Variants in PAX8 observed in about 807,000 individuals in gnomAD.
PAX8 encodes paired box protein Pax-8.
Under a neutral mutation model 52.4 loss-of-function variants are expected in PAX8, and 15 were observed. The observed-to-expected ratio is 0.29, with a 90% CI of 0.19 to 0.44. The LOEUF (loss-of-function observed/expected upper bound fraction) is 0.44. Among genes scored for constraint, PAX8 ranks in the 20% least tolerant of loss-of-function variants. The pLI is 1.00. For missense variants in PAX8, 554 were observed against 602.5 expected (o/e 0.92, Z 0.84); for synonymous variants, 284 against 249.7 (o/e 1.14, Z -1.29).
intron 8 of PAX8, chr2:113,236,079 G>A (rs111722271): frequency 1.7e-5 from 4 of 228,620 alleles, no homozygotes; most frequent in Non-Finnish European, 2.5e-5. Flanking sequence ...GGCCCACCTT[G>A]CGGGAGCCGC....
rs138846275 is a variant in PAX8 at position 113,231,616 on chromosome 2, G to A, written c.1087+3778C>T. Among the ~76,000 whole-genome samples the A allele has an allele frequency of 5.8e-4, 89 of 152,338 alleles. 2 individuals are homozygous for A. The highest frequency in any genetic ancestry group is 1.9e-3 in the African/African-American group (79 of 41,576). ...TCAGAGGCATGTGGAAGATTCACGC[G>A]GGTTAAAGCTGAGCTGATTATGGAA... On this transcript the variant is annotated intron_variant, in intron 9 of 11. Transcript: ENST00000429538.
At chr2:113,262,049 C>T (rs1361115007) in intron 2 of PAX8, among the ~76,000 whole-genome samples, 1 of 152,150 alleles carries the variant, frequency 6.6e-6, no homozygotes, top group African/African-American at 2.4e-5. Flanking sequence ...AAGCTAGTCT[C>T]GAACTCCCAA....
chr2:113,266,188 G>C (rs1693040999), intron 2 of PAX8: 1 of 152,230 alleles, frequency 6.6e-6, no homozygotes, highest in African/African-American at 2.4e-5. Context: ...AGTCTGTGAA[G>C]CTGAGAGAAA....
At chr2:113,252,174 A>G (rs905643303) in intron 2 of PAX8, among the ~76,000 whole-genome samples, 5 of 152,202 alleles carry the variant, frequency 3.3e-5, no homozygotes, top group South Asian at 4.1e-4. Context: ...CTTTAGTCCC[A>G]TAGAGTGTCA....
chr2:113,224,341 G>A (rs1689418695), intron 10 of PAX8, among the ~76,000 whole-genome samples: 1 of 152,086 alleles, frequency 6.6e-6, no homozygotes, highest in Non-Finnish European at 1.5e-5. Flanking sequence ...GAGGCCAGGA[G>A]TTCGAGACCA....
intron 3 of PAX8, among the ~76,000 whole-genome samples, chr2:113,245,815 GC>G (rs1691274574): frequency 6.6e-6 from 1 of 152,112 alleles, no homozygotes; most frequent in Non-Finnish European, 1.5e-5. Context: ...CCTCTCCCTA[GC>G]CCAGCAAAGG....
At chr2:113,256,796 T>G (rs1424756282) in intron 2 of PAX8, among the ~76,000 whole-genome samples, 1 of 152,156 alleles carries the variant, frequency 6.6e-6, no homozygotes, top group Non-Finnish European at 1.5e-5. Flanking sequence ...AAACCCCTGC[T>G]TCACCTCTGA....
Position 113,217,199 on chromosome 2 carries a change from T to TTAAA in PAX8, c.*1330_*1333dup. ...TGAGGTACCCAGCGTTCAACGTGAA[T>TTAAA]TAAAGGCAGAGGGAGAAGGCCAAGC... is the stretch of plus-strand genomic sequence containing the variant. On this transcript the variant is annotated 3_prime_UTR_variant, in exon 12 of 12. Coordinates refer to ENST00000429538, the MANE Select transcript of PAX8 (RefSeq NM_003466.4). 4.4e-6 allele frequency: 1 copy of TTAAA among 229,028 alleles called. No homozygotes were observed. Among genetic ancestry groups the TTAAA allele is most frequent in the Non-Finnish European group, 8.7e-6 (1 of 115,230 alleles). The allele number at this position is 229,028 out of a possible 1,614,324, so 14.2% of individuals were successfully genotyped here.
rs200498538 is a variant in PAX8 at position 113,242,105 on chromosome 2, C to T, written c.504G>A (p.Pro168=). ...CCAGGGAATCCGACTGGGGTGACTCCGGGGGAGTTACAGCTGAGCTGGGGA... is the reference window on the plus strand; with the variant it reads ...CCAGGGAATCCGACTGGGGTGACTCTGGGGGAGTTACAGCTGAGCTGGGGA... ...TLIPSSAVTP[P]ESPQSDSLGS... The change falls in exon 6 of 12, where the codon CCG becomes CCA. Residue 168 remains proline (P), a synonymous_variant. Coordinates refer to ENST00000429538, the MANE Select transcript of PAX8 (RefSeq NM_003466.4). The T allele has an allele frequency of 1.7e-5, 27 of 1,613,076 alleles. No homozygotes were observed. In the African/African-American group the frequency reaches 1.7e-4, roughly 10 times the overall value.
At chr2:113,273,432 G>A (rs1693598611) in intron 2 of PAX8, 1 of 141,444 alleles carries the variant, frequency 7.1e-6, no homozygotes, top group Non-Finnish European at 1.5e-5. Context: ...ATTTGGAAAT[G>A]TACCAAGAGA....
chr2:113,267,769 T>C (rs1573539416), intron 2 of PAX8: 3 of 152,364 alleles, frequency 2.0e-5, no homozygotes, highest in South Asian at 4.1e-4. Flanking sequence ...CCCACAGACC[T>C]AGGACAGTCT....
chr2:113,267,649 C>T (rs1693178539), intron 2 of PAX8: 1 of 152,188 alleles, frequency 6.6e-6, no homozygotes, highest in Non-Finnish European at 1.5e-5. Context: ...TTATGACTTC[C>T]TTTCTAGCAA....
Position 113,216,245 on chromosome 2 carries a change from TG to T in PAX8, c.*2287del, listed in dbSNP as rs1156731518. On this transcript the variant is annotated 3_prime_UTR_variant, in exon 12 of 12. Transcript: ENST00000429538. ...GCGCTGCAGAGGGAAGTTCTGCCAT[TG>T]AAAAACCAGCCGCATCTCAGATCCC... 4.3e-6 allele frequency: 1 copy of T among 230,966 alleles called. No individual in the cohort carries two copies. Among genetic ancestry groups the T allele is most frequent in the Non-Finnish European group, 8.6e-6 (1 of 116,708 alleles). 14.3% of individuals were successfully genotyped at this position (230,966 alleles called of 1,614,324 possible).
At chr2:113,230,586 G>C (rs553470988) in intron 9 of PAX8, 1 of 152,320 alleles carries the variant, frequency 6.6e-6, no homozygotes, top group Admixed American at 6.5e-5. Flanking sequence ...GAGGCTTCCT[G>C]CCATGAAAGC....
intron 2 of PAX8, chr2:113,266,129 A>C (rs1014793181): frequency 6.6e-6 from 1 of 152,328 alleles, no homozygotes; most frequent in African/African-American, 2.4e-5. Context: ...GGTTCACCAC[A>C]GGACAGTGGA....
Position 113,246,798 on chromosome 2 carries a change from G to A in PAX8, c.147C>T (p.Arg49=), listed in dbSNP as rs1367038893. Residue 49 remains arginine, a synonymous_variant, in exon 3 of 12, where the codon CGC becomes CGT. Transcript: ENST00000429538. ...HQGVRPCDIS[R]QLRVSHGCVS... The stretch of plus-strand genomic sequence containing the variant: ...CGCAGCCATGGCTGACGCGGAGCTG[G>A]CGAGAGATGTCGCAGGGCCTTACAC... 2 of 1,614,000 alleles carry A rather than the reference G, an allele frequency of 1.2e-6. No homozygotes were observed. The highest frequency in any genetic ancestry group is 1.7e-6 in the Non-Finnish European group (2 of 1,179,956).
intron 2 of PAX8, among the ~76,000 whole-genome samples, chr2:113,248,995 G>A (rs541488199): frequency 6.6e-6 from 1 of 152,324 alleles, no homozygotes; most frequent in African/African-American, 2.4e-5. Context: ...AGGTGGGGGT[G>A]CTCTAAGCCT....
chr2:113,232,264 C>A (rs933111628), intron 9 of PAX8, among the ~76,000 whole-genome samples: 1 of 152,228 alleles, frequency 6.6e-6, no homozygotes, highest in Non-Finnish European at 1.5e-5. Flanking sequence ...ACCAGCCATC[C>A]CCTCCCTTGT....
In PAX8 at chr2:113,256,573, T is replaced by TGG. The variant is rs1553416968; in HGVS notation, c.26-9655_26-9654insCC. 5.9e-3 allele frequency among the ~76,000 whole-genome samples: 887 copies of TGG among 151,464 alleles called. 8 individuals carry two copies. Among genetic ancestry groups the TGG allele is most frequent in the African/African-American group, 0.02 (822 of 41,208 alleles). ...GTCCCTCATATATTCTATTATTCTA[T>TGG]ATATATATACATATTCCATATATGG... On this transcript the variant is annotated intron_variant, in intron 2 of 11. Coordinates refer to ENST00000429538, the MANE Select transcript of PAX8 (RefSeq NM_003466.4).
Sources: gnomAD v4.1 joint callset for allele counts (sites outside exome capture counted in the v4.1 genomes callset) on GRCh38, gnomAD v4.1.1 for gene constraint, MANE v1.5 for transcripts, NCBI Gene and HGNC (gene_info 2026-07-23, HGNC 2026-07-21) for gene names.